The following ATOH8 variants were observed in gnomAD, a reference collection of about 807,000 sequenced individuals.
The protein encoded by ATOH8 is transcription factor ATOH8.
ATOH8 carries 9 observed loss-of-function variants against 21.2 expected under a neutral mutation model. That is an observed-to-expected ratio of 0.42 (90% CI 0.26 to 0.74). ATOH8 has a LOEUF of 0.74. Among genes scored for constraint, ATOH8 ranks in the 30% least tolerant of loss-of-function variants. The probability of loss-of-function intolerance (pLI) is 0.24; values close to 1 mark genes in which losing one functional copy is unlikely to be tolerated. For missense variants in ATOH8, 524 were observed against 470.9 expected (o/e 1.11, Z -1.04); for synonymous variants, 253 against 224.0 (o/e 1.13, Z -1.16).
chr2:85,789,533 G>A lies in ATOH8; in HGVS notation c.*2643G>A, dbSNP rs13035450. Among the ~76,000 whole-genome samples, 44,370 of 152,092 alleles carry A rather than the reference G, an allele frequency of 0.29. 6,957 individuals carry two copies. The highest frequency in any genetic ancestry group is 0.35 in the Non-Finnish European group (24,086 of 67,974). Reference sequence around the variant, plus strand: ...TGGTGAGTAAAAGCTTTCTGAGCAGGGGAGTAGGAAAAGGGCTTTCTATGC... The same window carrying A: ...TGGTGAGTAAAAGCTTTCTGAGCAGAGGAGTAGGAAAAGGGCTTTCTATGC... On this transcript the variant is annotated 3_prime_UTR_variant, in exon 3 of 3. Coordinates refer to ENST00000306279, the MANE Select transcript of ATOH8 (RefSeq NM_032827.7).
intron 1 of ATOH8, 106 bp downstream of exon 1, chr2:85,755,063 C>T: frequency 2.1e-6 from 3 of 1,399,542 alleles, no homozygotes; most frequent in Non-Finnish European, 2.8e-6. Flanking sequence ...GGCAAGCTGC[C>T]CCGCCCGGTC....
At chr2:85,776,784 C>T (rs1352023610) in intron 2 of ATOH8, among the ~76,000 whole-genome samples, 1 of 152,174 alleles carries the variant, frequency 6.6e-6, no homozygotes, top group Non-Finnish European at 1.5e-5. Flanking sequence ...AGCCAGGCAG[C>T]TGGGCACATG....
At position 85,790,607 on chromosome 2, in the gene ATOH8, C is replaced by T. The variant is rs1292925954; in HGVS notation, c.*3717C>T. 1.3e-5 allele frequency among the ~76,000 whole-genome samples: 2 copies of T among 152,204 alleles called. No homozygotes were observed. The highest frequency in any genetic ancestry group is 4.8e-5 in the African/African-American group (2 of 41,440). The stretch of plus-strand genomic sequence containing the variant: ...CTGTTCTCTTTTTTTCTGGATTTCT[C>T]CACCTCCACCAAGTTCCCCTTTCTC... On this transcript the variant is annotated 3_prime_UTR_variant, in exon 3 of 3. Transcript: ENST00000306279.
At position 85,786,998 on chromosome 2, in the gene ATOH8, G is replaced by C; in HGVS notation, c.*108G>C. ...GCCTCGTGGTCTTCTCCAAGATGCC[G>C]CCAGATGCCCAGCCTACAGCCTCTC... is the stretch of plus-strand genomic sequence containing the variant. On this transcript the variant is annotated 3_prime_UTR_variant, in exon 3 of 3. Coordinates refer to ENST00000306279, the MANE Select transcript of ATOH8 (RefSeq NM_032827.7). The C allele has an allele frequency of 1.4e-6, 2 of 1,451,892 alleles. No individual in the cohort carries two copies. The highest frequency in any genetic ancestry group is 3.6e-5 in the Admixed American group (2 of 55,124). 89.9% of individuals were successfully genotyped at this position (1,451,892 alleles called of 1,614,324 possible).
chr2:85,776,164 C>A (rs1321854300), intron 2 of ATOH8, among the ~76,000 whole-genome samples: 1 of 152,220 alleles, frequency 6.6e-6, no homozygotes, highest in African/African-American at 2.4e-5. Context: ...CAGGCTCAAG[C>A]AGCTGGGCAG....
At chr2:85,754,996 G>T (rs546288763) in intron 1 of ATOH8, 39 bp downstream of exon 1, 1 of 1,542,118 alleles carries the variant, frequency 6.5e-7, no homozygotes, top group Non-Finnish European at 8.7e-7. Flanking sequence ...TGCGCCGGGG[G>T]ACGACTGCGG....
intron 2 of ATOH8, among the ~76,000 whole-genome samples, chr2:85,765,432 C>T (rs1679987973): frequency 6.6e-6 from 1 of 152,240 alleles, no homozygotes; most frequent in Non-Finnish European, 1.5e-5. Context: ...CTGCACGTTG[C>T]ATTCCTGGGA....
chr2:85,768,810 C>T (rs1207958093), intron 2 of ATOH8, among the ~76,000 whole-genome samples: 6 of 152,196 alleles, frequency 3.9e-5, no homozygotes, highest in Non-Finnish European at 8.8e-5. Flanking sequence ...GAATCCTCCC[C>T]TTCTGGGCCT....
intron 1 of ATOH8, among the ~76,000 whole-genome samples, chr2:85,760,205 A>T (rs1679824440): frequency 6.6e-6 from 1 of 152,090 alleles, no homozygotes; most frequent in African/African-American, 2.4e-5. Context: ...AAGTTTAAAA[A>T]TCCTTGTGGG....
At position 85,764,028 on chromosome 2, in the gene ATOH8, T is replaced by C. The variant is rs770418212; in HGVS notation, c.806T>C (p.Leu269Pro). 2 of 1,614,160 alleles carry C rather than the reference T, an allele frequency of 1.2e-6. No individual in the cohort carries two copies. The highest frequency in any genetic ancestry group is 1.7e-6 in the Non-Finnish European group (2 of 1,180,036). The change falls in exon 2 of 3, where the codon CTG becomes CCG. Residue 269 changes from leucine (L) to proline (P), a missense_variant. By Grantham distance (98) the Leu-to-Pro change is moderately conservative. Transcript: ENST00000306279. ...TCATATGGGCAGAAGCTGTCCAAAC[T>C]GGCCATCCTGAGGATCGCCTGTAAC... The part of the protein sequence containing the change: ...CYSYGQKLSK[L>P]AILRIACNYI...
At position 85,755,308 on chromosome 2, in the gene ATOH8, A is replaced by T. The variant is rs1679655710; in HGVS notation, c.768+351A>T. Reference sequence around the variant, plus strand: ...GCGGAGTGGAGAGGGGAAATGTGGGAATCTGTCAGCGGAGGAAGGGGGGAG... The same window carrying T: ...GCGGAGTGGAGAGGGGAAATGTGGGTATCTGTCAGCGGAGGAAGGGGGGAG... On this transcript the variant is annotated intron_variant, in intron 1 of 2. Coordinates refer to ENST00000306279, the MANE Select transcript of ATOH8 (RefSeq NM_032827.7). 2.6e-5 allele frequency among the ~76,000 whole-genome samples: 4 copies of T among 151,934 alleles called. 1 individual carries two copies. The highest frequency in any genetic ancestry group is 2.6e-4 in the Admixed American group (4 of 15,272).
intron 1 of ATOH8, among the ~76,000 whole-genome samples, chr2:85,759,042 C>T (rs1679791828): frequency 6.6e-6 from 1 of 152,218 alleles, no homozygotes; most frequent in Non-Finnish European, 1.5e-5. Context: ...GGGGCCCCGG[C>T]TTCTGCCGTG....
Position 85,754,269 on chromosome 2 carries a change from A to G in ATOH8, c.80A>G (p.Lys27Arg), listed in dbSNP as rs1477217348. Residue 27 changes from lysine to arginine, a missense_variant, in exon 1 of 3, where the codon AAG becomes AGG. Physicochemically the swap from Lys to Arg is conservative, Grantham distance 26. Transcript: ENST00000306279. Reference protein sequence around the residue: ...VKELNGLKKLKRKGKEPARRA... With the variant: ...VKELNGLKKLRRKGKEPARRA... ...GAGCTGAACGGCCTTAAGAAGCTCA[A>G]GCGGAAAGGCAAGGAGCCGGCGCGG... The G allele has an allele frequency of 6.2e-7, 1 of 1,610,142 alleles. No homozygotes were observed. The highest frequency in any genetic ancestry group is 1.1e-5 in the South Asian group (1 of 90,986).
In ATOH8 at chr2:85,754,165, C is replaced by A; in HGVS notation, c.-25C>A. On this transcript the variant is annotated 5_prime_UTR_variant, in exon 1 of 3. Coordinates refer to ENST00000306279, the MANE Select transcript of ATOH8 (RefSeq NM_032827.7). ...GGCGGCGGCCCGGGCAGCCCCACGC[C>A]CCTGCCTCGCGCGCCGCCCGCGCCA... 1 of 1,528,858 alleles carries A rather than the reference C, an allele frequency of 6.5e-7. No individual in the cohort carries two copies. The highest frequency in any genetic ancestry group is 2.1e-5 in the Admixed American group (1 of 48,012). 94.7% of individuals were successfully genotyped at this position (1,528,858 alleles called of 1,614,324 possible).
rs371580655 is a variant in ATOH8, at chr2:85,763,037, A to G, written c.769-954A>G. Among the ~76,000 whole-genome samples the G allele has an allele frequency of 3.1e-5, 4 of 129,458 alleles. No individual in the cohort carries two copies. In the East Asian group the frequency reaches 9.4e-4, roughly 30 times the overall value. The allele number at this position is 129,458 out of a possible 152,430, so 84.9% of individuals were successfully genotyped here. On this transcript the variant is annotated intron_variant, in intron 1 of 2. Transcript: ENST00000306279. ...TATGGATGCCACGTGTAGATCCTCA[A>G]GAGCCATAGCGAGGAGTAAACCAGG...
chr2:85,776,181 GT>G (rs1002676043), intron 2 of ATOH8, among the ~76,000 whole-genome samples: 6 of 152,204 alleles, frequency 3.9e-5, no homozygotes, highest in African/African-American at 1.4e-4. Flanking sequence ...GCAGGGCTGG[GT>G]GGGGCTTGGA....
chr2:85,762,416 T>TTTG (rs1679893912), intron 1 of ATOH8, among the ~76,000 whole-genome samples: 1 of 152,220 alleles, frequency 6.6e-6, no homozygotes, highest in Non-Finnish European at 1.5e-5. Flanking sequence ...AGATCATTCA[T>TTTG]TTGTTCACTC....
chr2:85,754,661 G>A lies in ATOH8; in HGVS notation c.472G>A (p.Ala158Thr). The A allele has an allele frequency of 6.5e-7, 1 of 1,538,000 alleles. No individual in the cohort carries two copies. The highest frequency in any genetic ancestry group is 1.2e-5 in the South Asian group (1 of 82,512). The stretch of plus-strand genomic sequence containing the variant: ...TCTGCGTCCTCGCATCTTGCTGTGC[G>A]CACCGCCCGCGCGCCCCGCGCCGTC... ...PGLRPRILLCAPPARPAPSAP... is the reference protein window; with the variant it reads ...PGLRPRILLCTPPARPAPSAP... Residue 158 changes from alanine (A) to threonine (T), a missense_variant, in exon 1 of 3, where the codon GCA becomes ACA. Physicochemically the swap from Ala to Thr is moderately conservative, Grantham distance 58. Transcript: ENST00000306279.
At chr2:85,755,790 C>A (rs958310010) in intron 1 of ATOH8, among the ~76,000 whole-genome samples, 1 of 152,234 alleles carries the variant, frequency 6.6e-6, no homozygotes, top group South Asian at 2.1e-4. Flanking sequence ...TTCTAGGCTT[C>A]TTATTTTCTT....
Sources: gnomAD v4.1 joint callset for allele counts (sites outside exome capture counted in the v4.1 genomes callset) on GRCh38, gnomAD v4.1.1 for gene constraint, MANE v1.5 for transcripts, NCBI Gene and HGNC (gene_info 2026-07-23, HGNC 2026-07-21) for gene names.